The following NLGN1 variants were observed in gnomAD, a reference collection of about 807,000 sequenced individuals.
NLGN1 encodes the protein neuroligin-1.
In NLGN1, 12 loss-of-function variants were observed where a neutral mutation model predicts 65.5. That is an observed-to-expected ratio of 0.18 (90% confidence interval 0.12 to 0.30). NLGN1 has a LOEUF of 0.30. NLGN1 is among the 10% of genes least tolerant of loss of function. NLGN1 has a pLI of 1.00. For synonymous variants in NLGN1, 350 were observed against 359.5 expected, an observed-to-expected ratio of 0.97 and a Z score of 0.30; for missense variants, 750 against 1,007.1, an observed-to-expected ratio of 0.74 and a Z score of 3.46.
At chr3:173,441,343 C>T (rs1417240915) in intron 2 of NLGN1, among the ~76,000 whole-genome samples, 1 of 152,176 alleles carries the variant, frequency 6.6e-6, no homozygotes, top group African/African-American at 2.4e-5. Context: ...TACAACTTAG[C>T]TAACCATTTG....
At chr3:174,066,093 A>G (rs1180411758) in intron 4 of NLGN1, among the ~76,000 whole-genome samples, 3 of 152,356 alleles carry the variant, frequency 2.0e-5, no homozygotes, top group Admixed American at 6.5e-5. Context: ...TTAAATAGCT[A>G]GATAACTTAA....
chr3:173,995,113 T>C (rs1294454257), intron 4 of NLGN1, among the ~76,000 whole-genome samples: 2 of 152,236 alleles, frequency 1.3e-5, no homozygotes, highest in African/African-American at 2.4e-5. Flanking sequence ...GTTTGCAATG[T>C]TTGCTTGCAT....
intron 4 of NLGN1, among the ~76,000 whole-genome samples, chr3:174,020,457 A>G (rs1727530219): frequency 6.6e-6 from 1 of 152,024 alleles, no homozygotes; most frequent in Admixed American, 6.6e-5. Flanking sequence ...TTTACTTCTT[A>G]CTTTATATTT....
At chr3:173,795,015 T>A (rs1393187715) in intron 3 of NLGN1, among the ~76,000 whole-genome samples, 2 of 152,140 alleles carry the variant, frequency 1.3e-5, no homozygotes, top group Non-Finnish European at 1.5e-5. Context: ...TCTGAAAAAC[T>A]GTCTGAAGGA....
intron 4 of NLGN1, among the ~76,000 whole-genome samples, chr3:174,245,216 T>C (rs1258673848): frequency 2.6e-5 from 4 of 152,190 alleles, no homozygotes; most frequent in Non-Finnish European, 5.9e-5. Flanking sequence ...ATAGCACTCA[T>C]ATTTTTTTTA....
At chr3:173,827,650 TGTGTGTGTGTGTG>T (rs1721627263) in intron 4 of NLGN1, among the ~76,000 whole-genome samples, 1 of 151,204 alleles carries the variant, frequency 6.6e-6, no homozygotes, top group African/African-American at 2.4e-5. Context: ...TGTGTGTGTG[TGTGTGTGTGTGTG>T]TGAATGAGAT....
intron 2 of NLGN1, among the ~76,000 whole-genome samples, chr3:173,484,389 A>T (rs962579136): frequency 2.0e-5 from 3 of 152,100 alleles, no homozygotes; most frequent in African/African-American, 4.8e-5. Context: ...TCTCTTAAAA[A>T]TTTTCTATTT....
intron 4 of NLGN1, among the ~76,000 whole-genome samples, chr3:173,864,741 C>G (rs1045937974): frequency 6.6e-6 from 1 of 152,158 alleles, no homozygotes; most frequent in African/African-American, 2.4e-5. Context: ...GCTCTGAAGG[C>G]AGGAGTCCCC....
chr3:173,457,599 C>T (rs962523658), intron 2 of NLGN1, among the ~76,000 whole-genome samples: 3 of 152,046 alleles, frequency 2.0e-5, no homozygotes, highest in East Asian at 3.9e-4. Context: ...TTACAAAAGA[C>T]AACTTTAGAT....
intron 4 of NLGN1, among the ~76,000 whole-genome samples, chr3:174,236,920 A>G (rs923070239): frequency 3.3e-5 from 5 of 152,098 alleles, no homozygotes; most frequent in African/African-American, 1.2e-4. Context: ...AAGTACATCT[A>G]TATACACTCT....
chr3:173,551,092 A>T (rs964576799), intron 2 of NLGN1, among the ~76,000 whole-genome samples: 3 of 152,096 alleles, frequency 2.0e-5, no homozygotes, highest in Admixed American at 6.6e-5. Flanking sequence ...ATCTTGTCTC[A>T]CCTTCATTGA....
intron 4 of NLGN1, among the ~76,000 whole-genome samples, chr3:173,973,430 G>A (rs2152378989): frequency 6.6e-6 from 1 of 152,198 alleles, no homozygotes; most frequent in South Asian, 2.1e-4. Context: ...GAGGAAAGGA[G>A]GAAGAATAAA....
intron 3 of NLGN1, among the ~76,000 whole-genome samples, chr3:173,789,684 C>T (rs555690372): frequency 6.6e-6 from 1 of 152,332 alleles, no homozygotes; most frequent in African/African-American, 2.4e-5. Context: ...TGAGCCCTCT[C>T]ATGCTGGTGA....
At chr3:174,097,194 T>A (rs1053661929) in intron 4 of NLGN1, among the ~76,000 whole-genome samples, 1 of 152,234 alleles carries the variant, frequency 6.6e-6, no homozygotes, top group Non-Finnish European at 1.5e-5. Flanking sequence ...GGGATATTTC[T>A]GTTCATGGCA....
chr3:173,691,343 AT>A (rs1019401737), intron 3 of NLGN1, among the ~76,000 whole-genome samples: 3 of 151,900 alleles, frequency 2.0e-5, no homozygotes, highest in African/African-American at 7.3e-5. Context: ...CATCCTCTGC[AT>A]TTATTGCTTT....
intron 4 of NLGN1, among the ~76,000 whole-genome samples, chr3:173,946,836 C>T (rs983178640): frequency 2.6e-5 from 4 of 152,082 alleles, no homozygotes; most frequent in African/African-American, 4.8e-5. Context: ...AAATGCTTGT[C>T]ATATGTTTAA....
intron 4 of NLGN1, among the ~76,000 whole-genome samples, chr3:173,924,070 C>T (rs1343612605): frequency 1.3e-5 from 2 of 152,060 alleles, no homozygotes; most frequent in African/African-American, 4.8e-5. Context: ...ACTACAAAAA[C>T]TGATTGGAGA....
At chr3:173,729,539 T>G (rs551936816) in intron 3 of NLGN1, among the ~76,000 whole-genome samples, 1 of 152,216 alleles carries the variant, frequency 6.6e-6, no homozygotes, top group Non-Finnish European at 1.5e-5. Context: ...TTTGAAGTCT[T>G]GGTGAAGCAA....
chr3:174,026,979 A>T (rs1728960145), intron 4 of NLGN1, among the ~76,000 whole-genome samples: 1 of 152,096 alleles, frequency 6.6e-6, no homozygotes, highest in African/African-American at 2.4e-5. Context: ...TATGTAAAAG[A>T]TTGATTGTCT....
Sources: allele counts gnomAD v4.1 joint callset (sites outside exome capture counted in the v4.1 genomes callset), GRCh38; gene constraint gnomAD v4.1.1; transcripts MANE v1.5; gene names NCBI Gene and HGNC (gene_info 2026-07-23, HGNC 2026-07-21).